RUNDC3B: variants seen among roughly 807,000 people sequenced by gnomAD.
RUNDC3B encodes the protein RUN domain-containing protein 3B.
Under a neutral mutation model 58.4 loss-of-function variants are expected in RUNDC3B, and 33 were observed. That is an observed-to-expected ratio of 0.56 (90% CI 0.43 to 0.75). The LOEUF (loss-of-function observed/expected upper bound fraction) is 0.75. RUNDC3B is among the 30% of genes least tolerant of loss of function. The pLI is 0.00. For missense variants in RUNDC3B, 501 were observed against 535.7 expected (o/e 0.94, Z 0.64); for synonymous variants, 193 against 195.2 (o/e 0.99, Z 0.10).
intron 6 of RUNDC3B, among the ~76,000 whole-genome samples, chr7:87,765,001 C>T (rs2130860044): frequency 6.6e-6 from 1 of 151,654 alleles, no homozygotes; most frequent in Non-Finnish European, 1.5e-5. Flanking sequence ...TTGGTCTGTT[C>T]AGGATTTCTG....
At chr7:87,675,158 G>C (rs1027800142) in intron 2 of RUNDC3B, among the ~76,000 whole-genome samples, 1 of 152,180 alleles carries the variant, frequency 6.6e-6, no homozygotes, top group Non-Finnish European at 1.5e-5. Flanking sequence ...ACAAGTCCCT[G>C]TGCTTAGCCT....
chr7:87,700,523 A>T lies in RUNDC3B; in HGVS notation c.341A>T (p.Asn114Ile). The change falls in exon 3 of 11, where the codon AAT (asparagine) becomes ATT (isoleucine). Residue 114 changes from asparagine (N) to isoleucine (I), a missense_variant. Asn to Ile is a moderately radical substitution (Grantham distance 149). Coordinates refer to ENST00000394654, the MANE Select transcript of RUNDC3B (RefSeq NM_001134405.2). ...CAGAATTGTATCTGCAGCATTGAAAATATGGAAAATGTCAGTTCTTCTAGA... is the reference window on the plus strand; with the variant it reads ...CAGAATTGTATCTGCAGCATTGAAATTATGGAAAATGTCAGTTCTTCTAGA... ...VSQNCICSIE[N>I]MENVSSSRAK... 3 of 1,613,402 alleles carry T rather than the reference A, an allele frequency of 1.9e-6. No individual in the cohort carries two copies. Among genetic ancestry groups the T allele is most frequent in the Non-Finnish European group, 2.5e-6 (3 of 1,179,708 alleles).
intron 3 of RUNDC3B, chr7:87,709,178 A>G: frequency 2.3e-6 from 2 of 860,436 alleles, no homozygotes; most frequent in Non-Finnish European, 2.8e-6. Flanking sequence ...CCAGTTTTGT[A>G]TGGATTGAAA....
chr7:87,821,550 C>A (rs1837438422), intron 10 of RUNDC3B, among the ~76,000 whole-genome samples: 1 of 152,116 alleles, frequency 6.6e-6, no homozygotes, highest in South Asian at 2.1e-4. Context: ...CTTTAAAGTT[C>A]ATGTGGAATC....
At chr7:87,705,443 A>T (rs1202046529) in intron 3 of RUNDC3B, among the ~76,000 whole-genome samples, 33 of 152,010 alleles carry the variant, frequency 2.2e-4, no homozygotes. Flanking sequence ...AAACAAAACA[A>T]CAACAACAAA....
chr7:87,670,896 C>A (rs1468139523), intron 2 of RUNDC3B, among the ~76,000 whole-genome samples: 1 of 152,186 alleles, frequency 6.6e-6, no homozygotes, highest in Non-Finnish European at 1.5e-5. Flanking sequence ...GTGTGAGTTT[C>A]TCTCCCCCTT....
In RUNDC3B at chr7:87,787,275, C is replaced by T. The variant is rs548422041; in HGVS notation, c.956+9320C>T. Among the ~76,000 whole-genome samples, 13 of 152,170 alleles carry T rather than the reference C, an allele frequency of 8.5e-5. 1 individual carries two copies. Among genetic ancestry groups the T allele is most frequent in the African/African-American group, 3.1e-4 (13 of 41,530 alleles). On this transcript the variant is annotated intron_variant, in intron 8 of 10. Coordinates refer to ENST00000394654, the MANE Select transcript of RUNDC3B (RefSeq NM_001134405.2). ...CTGAGATTTTTAAAAAATCAACTGT[C>T]AAGAAGGCCTATAATCAAAGTTGGG... is the stretch of plus-strand genomic sequence containing the variant.
chr7:87,669,064 T>C (rs1563118582), intron 2 of RUNDC3B, among the ~76,000 whole-genome samples: 1 of 152,198 alleles, frequency 6.6e-6, no homozygotes, highest in Non-Finnish European at 1.5e-5. Flanking sequence ...TGTTTAATAC[T>C]GTCTGTGGAG....
chr7:87,759,574 A>T (rs943004404), intron 6 of RUNDC3B, among the ~76,000 whole-genome samples: 10 of 152,020 alleles, frequency 6.6e-5, no homozygotes, highest in African/African-American at 2.2e-4. Flanking sequence ...AGGCAGGGGG[A>T]TCACTTGAGG....
At chr7:87,680,525 GC>G (rs1404242007) in intron 2 of RUNDC3B, among the ~76,000 whole-genome samples, 7 of 150,878 alleles carry the variant, frequency 4.6e-5, no homozygotes, top group Non-Finnish European at 7.4e-5. Flanking sequence ...GGGCCCGGTG[GC>G]TCACGCCTGT....
intron 2 of RUNDC3B, among the ~76,000 whole-genome samples, chr7:87,655,032 A>T (rs1391310826): frequency 6.6e-6 from 1 of 152,124 alleles, no homozygotes; most frequent in Non-Finnish European, 1.5e-5. Flanking sequence ...GCCGAAGGAT[A>T]ACAAGTGCTG....
At chr7:87,761,593 A>C (rs77994152) in intron 6 of RUNDC3B, among the ~76,000 whole-genome samples, 1 of 151,884 alleles carries the variant, frequency 6.6e-6, no homozygotes, top group Non-Finnish European at 1.5e-5. Context: ...TGGTGAATAA[A>C]TTTAAAATGT....
chr7:87,643,766 A>G (rs926879571), intron 1 of RUNDC3B, among the ~76,000 whole-genome samples: 1 of 152,082 alleles, frequency 6.6e-6, no homozygotes, highest in Admixed American at 6.5e-5. Context: ...AGCTCAGGCA[A>G]TCTGCCTGCC....
At chr7:87,763,587 C>CT (rs905202576) in intron 6 of RUNDC3B, among the ~76,000 whole-genome samples, 1 of 151,554 alleles carries the variant, frequency 6.6e-6, no homozygotes, top group Non-Finnish European at 1.5e-5. Flanking sequence ...AAATATTACA[C>CT]TTTTTTCTGT....
chr7:87,693,028 A>G (rs184652197), intron 2 of RUNDC3B, among the ~76,000 whole-genome samples: 1 of 152,228 alleles, frequency 6.6e-6, no homozygotes, highest in East Asian at 1.9e-4. Context: ...TATTGGTTTT[A>G]TAAAGGATCT....
At chr7:87,753,775 C>A (rs1833178514) in intron 6 of RUNDC3B, among the ~76,000 whole-genome samples, 1 of 152,104 alleles carries the variant, frequency 6.6e-6, no homozygotes, top group South Asian at 2.1e-4. Context: ...CAATTTAAAC[C>A]TGGAAATGTA....
chr7:87,688,687 A>G (rs1239519984), intron 2 of RUNDC3B, among the ~76,000 whole-genome samples: 2 of 151,922 alleles, frequency 1.3e-5, no homozygotes, highest in Non-Finnish European at 2.9e-5. Context: ...GTTTTAAAAC[A>G]TATGAAATAT....
At chr7:87,806,585 C>G (rs1167645566) in intron 8 of RUNDC3B, among the ~76,000 whole-genome samples, 2 of 152,080 alleles carry the variant, frequency 1.3e-5, no homozygotes, top group African/African-American at 4.8e-5. Flanking sequence ...TTGAATTAAT[C>G]CTGTGACAAT....
At position 87,805,238 on chromosome 7, in the gene RUNDC3B, T is replaced by C. The variant is rs552667939; in HGVS notation, c.957-2135T>C. Reference sequence around the variant, plus strand: ...ACAGACTCTAGTCAAGATTCAAAAATACAAGGATGAGGTTCTCAACTTAAC... The same window carrying C: ...ACAGACTCTAGTCAAGATTCAAAAACACAAGGATGAGGTTCTCAACTTAAC... On this transcript the variant is annotated intron_variant, in intron 8 of 10. Coordinates refer to ENST00000394654, the MANE Select transcript of RUNDC3B (RefSeq NM_001134405.2). Among the ~76,000 whole-genome samples the C allele has an allele frequency of 1.1e-4, 17 of 152,224 alleles. No homozygotes were observed. In the East Asian group the frequency reaches 1.9e-3, roughly 17 times the overall value.
Sources: allele counts gnomAD v4.1 joint callset (sites outside exome capture counted in the v4.1 genomes callset), GRCh38; gene constraint gnomAD v4.1.1; transcripts MANE v1.5; gene names NCBI Gene and HGNC (gene_info 2026-07-23, HGNC 2026-07-21).